Variants in NBEA observed in about 807,000 individuals in gnomAD.
The protein encoded by NBEA is neurobeachin, also known as lysosomal-trafficking regulator 2.
NBEA carries 44 observed loss-of-function variants against 343.4 expected under a neutral mutation model. The ratio of observed to expected loss-of-function variants is 0.13; its 90% confidence interval spans 0.10 to 0.16. NBEA has a LOEUF of 0.16. Among genes scored for constraint, NBEA ranks in the 10% least tolerant of loss-of-function variants. The probability of loss-of-function intolerance (pLI) is 1.00; values close to 1 mark genes in which losing one functional copy is unlikely to be tolerated. For synonymous variants in NBEA, 1,175 were observed against 1,238.7 expected (o/e 0.95, Z 1.08); for missense variants, 2,555 against 3,631.3 (o/e 0.70, Z 7.62).
chr13:35,295,067 TA>T (rs899245304), intron 35 of NBEA, among the ~76,000 whole-genome samples: 44 of 148,282 alleles, frequency 3.0e-4, no homozygotes, highest in South Asian at 2.5e-3. Flanking sequence ...AAAAAAAAAT[TA>T]AAAAAAATAG....
At position 35,172,626 on chromosome 13, in the gene NBEA, GAAT is replaced by G. The variant is rs1405889017; in HGVS notation, c.4424-829_4424-827del. ...TCAACCACAGGAAACTTTTATAAGT[GAAT>G]AATAATAAAACACTTATATTACCTC... On this transcript the variant is annotated intron_variant, in intron 26 of 58. Coordinates refer to ENST00000379939, the MANE Select transcript of NBEA (RefSeq NM_001385012.1). Among the ~76,000 whole-genome samples, 16 of 152,022 alleles carry G rather than the reference GAAT, an allele frequency of 1.1e-4. No homozygotes were observed. In the East Asian group the frequency reaches 2.9e-3, roughly 28 times the overall value.
At chr13:35,465,360 A>C (rs2075346315) in intron 40 of NBEA, among the ~76,000 whole-genome samples, 1 of 152,168 alleles carries the variant, frequency 6.6e-6, no homozygotes, top group Non-Finnish European at 1.5e-5. Flanking sequence ...AAATGGGAGA[A>C]ACAGACTTTT....
chr13:35,207,366 G>A (rs2073462632), intron 31 of NBEA, among the ~76,000 whole-genome samples: 1 of 152,002 alleles, frequency 6.6e-6, no homozygotes, highest in African/African-American at 2.4e-5. Context: ...TGTAAATCAA[G>A]TTGGATATTT....
chr13:35,217,493 T>A (rs961207033), intron 33 of NBEA, among the ~76,000 whole-genome samples: 2 of 152,084 alleles, frequency 1.3e-5, no homozygotes, highest in African/African-American at 4.8e-5. Flanking sequence ...GTTTTGTGGT[T>A]TAAAAGTTGT....
intron 49 of NBEA, among the ~76,000 whole-genome samples, chr13:35,642,895 G>T (rs1358006463): frequency 6.6e-6 from 1 of 151,148 alleles, no homozygotes; most frequent in Non-Finnish European, 1.5e-5. Context: ...CATTTTACCA[G>T]TATCATTAAT....
chr13:35,610,359 C>T (rs1232107729), intron 48 of NBEA, among the ~76,000 whole-genome samples: 1 of 152,044 alleles, frequency 6.6e-6, no homozygotes, highest in Non-Finnish European at 1.5e-5. Context: ...CGCTACTGCA[C>T]TCCAGCCGAG....
chr13:35,259,280 T>C lies in NBEA; in HGVS notation c.5776+26661T>C, dbSNP rs1258467718. 3.9e-5 allele frequency among the ~76,000 whole-genome samples: 6 copies of C among 152,304 alleles called. No individual in the cohort carries two copies. The East Asian group carries it at 1.2e-3, about 29-fold the overall frequency. ...TCCTGGCCATCTAAATTTATTACTA[T>C]GTTGTTTAATAATGAACTACATTGA... On this transcript the variant is annotated intron_variant, in intron 34 of 58. Transcript: ENST00000379939.
chr13:35,057,371 C>T (rs1225603192), intron 7 of NBEA, among the ~76,000 whole-genome samples: 1 of 152,070 alleles, frequency 6.6e-6, no homozygotes, highest in African/African-American at 2.4e-5. Context: ...TGACCCTCCC[C>T]CTGTTTCTGG....
intron 34 of NBEA, among the ~76,000 whole-genome samples, chr13:35,238,003 G>A (rs186677768): frequency 2.0e-4 from 31 of 152,246 alleles, no homozygotes; most frequent in Admixed American, 1.7e-3. Flanking sequence ...CTTTTGATGT[G>A]TGTTTTCTCT....
intron 1 of NBEA, among the ~76,000 whole-genome samples, chr13:34,971,125 C>T (rs571767860): frequency 6.6e-6 from 1 of 151,420 alleles, no homozygotes; most frequent in African/African-American, 2.4e-5. Context: ...GTAATTTATT[C>T]TTTTTGTGGC....
chr13:35,011,628 A>T (rs1373641163), intron 1 of NBEA, among the ~76,000 whole-genome samples: 4 of 152,242 alleles, frequency 2.6e-5, no homozygotes, highest in Non-Finnish European at 4.4e-5. Flanking sequence ...TAAGCTATAG[A>T]TTATGGAAAA....
At chr13:35,144,980 C>A (rs903005369) in intron 18 of NBEA, among the ~76,000 whole-genome samples, 6 of 152,096 alleles carry the variant, frequency 3.9e-5, no homozygotes, top group African/African-American at 1.4e-4. Context: ...TGATGGAGTC[C>A]CAGATGGTTT....
rs146763164 is a variant in NBEA at position 35,423,913 on chromosome 13, T to C, written c.6180-8356T>C. Among the ~76,000 whole-genome samples, 1,203 of 152,304 alleles carry C rather than the reference T, an allele frequency of 7.9e-3. 15 individuals are homozygous for C. Among genetic ancestry groups the C allele is most frequent in the African/African-American group, 0.028 (1,159 of 41,552 alleles). The stretch of plus-strand genomic sequence containing the variant: ...AGGTATTTTATTCTCTTTGAAGCAA[T>C]TGTGAATGCGAGTTCACTCATGATT... On this transcript the variant is annotated intron_variant, in intron 38 of 58. Transcript: ENST00000379939.
intron 33 of NBEA, among the ~76,000 whole-genome samples, chr13:35,217,365 A>C (rs975878124): frequency 2.0e-5 from 3 of 151,818 alleles, no homozygotes; most frequent in Non-Finnish European, 4.4e-5. Context: ...GAAAAATTTA[A>C]ATTTTTTTTA....
chr13:35,422,292 T>C (rs2044337185), intron 38 of NBEA, among the ~76,000 whole-genome samples: 1 of 143,886 alleles, frequency 6.9e-6, no homozygotes, highest in Non-Finnish European at 1.5e-5. Context: ...ATGCTATCCT[T>C]CCCCCCTCCC....
intron 49 of NBEA, among the ~76,000 whole-genome samples, chr13:35,635,987 A>G (rs1373908518): frequency 6.6e-6 from 1 of 152,194 alleles, no homozygotes; most frequent in Non-Finnish European, 1.5e-5. Flanking sequence ...AGTGCTAATT[A>G]TTGATTTTCA....
intron 1 of NBEA, among the ~76,000 whole-genome samples, chr13:34,979,602 A>G (rs952240332): frequency 5.3e-5 from 8 of 152,262 alleles, no homozygotes; most frequent in African/African-American, 1.9e-4. Flanking sequence ...TTTAAAATGT[A>G]AGAGTTCATT....
At chr13:35,213,535 G>C (rs967190843) in intron 33 of NBEA, among the ~76,000 whole-genome samples, 2 of 151,844 alleles carry the variant, frequency 1.3e-5, no homozygotes, top group African/African-American at 4.8e-5. Flanking sequence ...TATTGCAAGT[G>C]GGGCTATATA....
intron 41 of NBEA, among the ~76,000 whole-genome samples, chr13:35,514,987 G>A (rs1262667961): frequency 2.0e-5 from 3 of 152,174 alleles, no homozygotes; most frequent in Admixed American, 1.3e-4. Flanking sequence ...CAGAAATGAT[G>A]CTCCAGATTC....
Sources: allele counts gnomAD v4.1 joint callset (sites outside exome capture counted in the v4.1 genomes callset), GRCh38; gene constraint gnomAD v4.1.1; transcripts MANE v1.5; gene names NCBI Gene and HGNC (gene_info 2026-07-23, HGNC 2026-07-21).